Variants in PSD3 observed in about 807,000 individuals in gnomAD.
The protein encoded by PSD3 is pleckstrin and Sec7 domain containing 3.
PSD3 carries 49 observed loss-of-function variants against 105.5 expected under a neutral mutation model. That is an observed-to-expected ratio of 0.46 (90% CI 0.37 to 0.59). The LOEUF is 0.59. Among genes scored for constraint, PSD3 ranks in the 20% least tolerant of loss-of-function variants. PSD3 has a pLI of 0.00. For missense variants in PSD3, 1,561 were observed against 1,263.8 expected (o/e 1.24, Z -3.57); for synonymous variants, 557 against 457.8 (o/e 1.22, Z -2.77).
At chr8:18,584,106 A>G (rs868713562) in intron 12 of PSD3, among the ~76,000 whole-genome samples, 9 of 152,222 alleles carry the variant, frequency 5.9e-5, no homozygotes, top group Non-Finnish European at 1.3e-4. Context: ...AAAAAGGTCT[A>G]TGTTAGAAAA....
intron 1 of PSD3, among the ~76,000 whole-genome samples, chr8:19,053,574 G>A (rs118001526): frequency 1.6e-4 from 25 of 152,136 alleles, no homozygotes; most frequent in African/African-American, 3.6e-4. Flanking sequence ...CAAGGCAGCC[G>A]GATCACTTGA....
intron 9 of PSD3, among the ~76,000 whole-genome samples, chr8:18,708,115 A>G (rs1383239788): frequency 7.9e-5 from 12 of 152,336 alleles, no homozygotes; most frequent in Non-Finnish European, 1.5e-5. Flanking sequence ...GGAGAAAGGG[A>G]AAACAGACAG....
intron 9 of PSD3, among the ~76,000 whole-genome samples, chr8:18,750,711 G>T (rs911373389): frequency 6.6e-6 from 1 of 151,892 alleles, no homozygotes; most frequent in Non-Finnish European, 1.5e-5. Context: ...TTACAATCCC[G>T]GAGCTAGATA....
At chr8:18,790,393 C>A (rs1234226064) in intron 8 of PSD3, among the ~76,000 whole-genome samples, 1 of 149,486 alleles carries the variant, frequency 6.7e-6, no homozygotes, top group Non-Finnish European at 1.5e-5. Flanking sequence ...AGCTCTGCTT[C>A]CAAGGTTCAT....
intron 15 of PSD3, among the ~76,000 whole-genome samples, chr8:18,538,242 A>G (rs576148077): frequency 2.0e-5 from 3 of 152,346 alleles, no homozygotes; most frequent in Non-Finnish European, 2.9e-5. Flanking sequence ...AAGCATTACT[A>G]AACACACATT....
At chr8:18,803,046 G>C (rs1810847990) in intron 6 of PSD3, 1 of 155,374 alleles carries the variant, frequency 6.4e-6, no homozygotes, top group African/African-American at 2.4e-5. Flanking sequence ...AGCACTTTGA[G>C]AGGCTGAGGC....
chr8:18,830,095 G>C (rs1398573093), intron 4 of PSD3, among the ~76,000 whole-genome samples: 3 of 152,078 alleles, frequency 2.0e-5, no homozygotes, highest in Non-Finnish European at 4.4e-5. Flanking sequence ...AGCCTCCCGA[G>C]TAGCTGGGAC....
At chr8:18,851,011 G>C (rs553065652) in intron 4 of PSD3, among the ~76,000 whole-genome samples, 10 of 152,258 alleles carry the variant, frequency 6.6e-5, no homozygotes, top group African/African-American at 2.4e-4. Context: ...AAAGTGCAAG[G>C]ACACCAGAAC....
At chr8:18,678,064 A>G (rs4921950) in intron 9 of PSD3, among the ~76,000 whole-genome samples, 109,246 of 151,148 alleles carry the variant, frequency 0.72, 44,036 homozygotes, top group South Asian at 0.9. Flanking sequence ...GAACATGTTA[A>G]TCTGGCAGAA....
chr8:19,065,320 C>T (rs1375995794), intron 1 of PSD3, among the ~76,000 whole-genome samples: 4 of 152,166 alleles, frequency 2.6e-5, no homozygotes. Flanking sequence ...CTCTCCATCA[C>T]CAAGTAAACA....
At chr8:18,556,389 A>AAAC in intron 14 of PSD3, 37 bp from the exon 15 acceptor site, 1 of 1,590,132 alleles carries the variant, frequency 6.3e-7, no homozygotes, top group Non-Finnish European at 8.5e-7. Flanking sequence ...CGTTCAAAAA[A>AAAC]AAAACAAGTC....
At chr8:18,749,295 T>G (rs1272249219) in intron 9 of PSD3, among the ~76,000 whole-genome samples, 1 of 152,184 alleles carries the variant, frequency 6.6e-6, no homozygotes, top group Non-Finnish European at 1.5e-5. Context: ...GAGTCCCTTC[T>G]ACTCCAGCTC....
At chr8:19,065,587 G>A (rs932223411) in intron 1 of PSD3, among the ~76,000 whole-genome samples, 3 of 152,130 alleles carry the variant, frequency 2.0e-5, no homozygotes, top group African/African-American at 7.2e-5. Flanking sequence ...AGGGAAACAC[G>A]TTCGCTGGTT....
At chr8:18,766,467 A>G (rs371927641) in intron 8 of PSD3, among the ~76,000 whole-genome samples, 21 of 152,336 alleles carry the variant, frequency 1.4e-4, no homozygotes, top group Middle Eastern at 3.4e-3. Flanking sequence ...AACTTATTAT[A>G]ATGTAGAAAA....
At chr8:19,046,087 A>G (rs1828306837) in intron 1 of PSD3, among the ~76,000 whole-genome samples, 2 of 152,122 alleles carry the variant, frequency 1.3e-5, no homozygotes, top group South Asian at 4.1e-4. Context: ...ATTGTATAGA[A>G]CAAGGGTGAA....
At chr8:18,955,855 G>A (rs191290347) in intron 1 of PSD3, among the ~76,000 whole-genome samples, 34 of 152,084 alleles carry the variant, frequency 2.2e-4, no homozygotes, top group East Asian at 1.5e-3. Context: ...TTCAACCTCC[G>A]CCTCCCGGGT....
intron 12 of PSD3, among the ~76,000 whole-genome samples, chr8:18,583,543 C>G (rs530565661): frequency 2.6e-5 from 4 of 152,200 alleles, no homozygotes; most frequent in Admixed American, 1.3e-4. Context: ...TCTTCTGCCT[C>G]AAACACCACT....
At chr8:18,549,093 G>A (rs2130064033) in intron 15 of PSD3, among the ~76,000 whole-genome samples, 1 of 152,054 alleles carries the variant, frequency 6.6e-6, no homozygotes, top group Non-Finnish European at 1.5e-5. Flanking sequence ...GGCTCTCTTG[G>A]CAGTGACCTT....
At chr8:18,915,954 G>A (rs1157930909) in intron 2 of PSD3, among the ~76,000 whole-genome samples, 1 of 151,974 alleles carries the variant, frequency 6.6e-6, no homozygotes, top group African/African-American at 2.4e-5. Flanking sequence ...AATTAGCCAG[G>A]CATGGGTGGC....
Sources: gnomAD v4.1 joint callset for allele counts (sites outside exome capture counted in the v4.1 genomes callset) on GRCh38, gnomAD v4.1.1 for gene constraint, MANE v1.5 for transcripts, NCBI Gene and HGNC (gene_info 2026-07-23, HGNC 2026-07-21) for gene names.